The following B4GALT6 variants were observed in gnomAD, a reference collection of about 807,000 sequenced individuals.
B4GALT6 encodes the protein UDP-Gal:beta-GlcNAc beta-1,4-galactosyltransferase 6.
A neutral mutation model predicts 46.3 loss-of-function variants in B4GALT6; 14 were observed. That is an observed-to-expected ratio of 0.30 (90% CI 0.20 to 0.47). The LOEUF (loss-of-function observed/expected upper bound fraction) is 0.47. Among genes scored for constraint, B4GALT6 ranks in the 20% least tolerant of loss-of-function variants. B4GALT6 has a pLI of 0.99. For synonymous variants in B4GALT6, 168 were observed against 162.0 expected (o/e 1.04, Z -0.28); for missense variants, 386 against 480.1 (o/e 0.80, Z 1.83).
At chr18:31,635,224 C>T (rs2073842957) in intron 5 of B4GALT6, among the ~76,000 whole-genome samples, 1 of 150,658 alleles carries the variant, frequency 6.6e-6, no homozygotes. Context: ...AGCGAGACTC[C>T]ATCACAAAAC....
intron 3 of B4GALT6, among the ~76,000 whole-genome samples, chr18:31,655,511 G>A (rs754084905): frequency 4.6e-5 from 7 of 152,184 alleles, no homozygotes; most frequent in Non-Finnish European, 8.8e-5. Flanking sequence ...CACGCACGAC[G>A]CAATCTCTCA....
chr18:31,665,420 C>T (rs1317107486), intron 2 of B4GALT6, among the ~76,000 whole-genome samples: 1 of 152,176 alleles, frequency 6.6e-6, no homozygotes, highest in Admixed American at 6.5e-5. Context: ...TCTAATGGAG[C>T]TTCTACTTCC....
At chr18:31,683,297 G>C (rs1014733516) in intron 1 of B4GALT6, among the ~76,000 whole-genome samples, 1 of 152,154 alleles carries the variant, frequency 6.6e-6, no homozygotes, top group Non-Finnish European at 1.5e-5. Context: ...TCTGTAAGGG[G>C]CATTACATTT....
the B4GALT6 span, among the ~76,000 whole-genome samples, chr18:31,711,246 T>C: frequency 2.6e-5 from 4 of 152,214 alleles, no homozygotes; most frequent in Non-Finnish European, 4.4e-5. Flanking sequence ...CAAATCATTC[T>C]TTTATTTTAA....
At chr18:31,670,932 T>C (rs1221892685) in intron 1 of B4GALT6, among the ~76,000 whole-genome samples, 1 of 151,892 alleles carries the variant, frequency 6.6e-6, no homozygotes, top group East Asian at 1.9e-4. Flanking sequence ...CCCCAGTGTG[T>C]GATGTTCCCC....
intron 8 of B4GALT6, 139 bp from the exon 9 acceptor site, chr18:31,625,900 G>A (rs2073690222): frequency 1.4e-6 from 1 of 701,660 alleles, no homozygotes; most frequent in Admixed American, 3.9e-5. Context: ...CATAATTTAA[G>A]AATCTCTAAA....
chr18:31,699,274 C>CTT, the B4GALT6 span, among the ~76,000 whole-genome samples: 39 of 136,328 alleles, frequency 2.9e-4, 1 homozygote, highest in South Asian at 9.9e-4. Context: ...TTCTTTCTTT[C>CTT]TTTTTTTTTT....
the B4GALT6 span, among the ~76,000 whole-genome samples, chr18:31,709,344 CA>C: frequency 6.6e-6 from 1 of 151,044 alleles, no homozygotes; most frequent in Non-Finnish European, 1.5e-5. Context: ...GGATTACAGG[CA>C]TGCACCACCA....
At chr18:31,687,848 ATGTACT>A (rs1333525406), upstream of B4GALT6, among the ~76,000 whole-genome samples, 3 of 152,174 alleles carry the variant, frequency 2.0e-5, no homozygotes, top group African/African-American at 4.8e-5. Flanking sequence ...AAAAAGAAAA[ATGTACT>A]TGTTAATGAG....
chr18:31,689,519 T>G (rs1274235385), upstream of B4GALT6, among the ~76,000 whole-genome samples: 1 of 151,814 alleles, frequency 6.6e-6, no homozygotes, highest in Non-Finnish European at 1.5e-5. Flanking sequence ...CCAAGGCGGG[T>G]GGATCACGAG....
chr18:31,678,954 G>A (rs897126687), intron 1 of B4GALT6, among the ~76,000 whole-genome samples: 2 of 152,198 alleles, frequency 1.3e-5, no homozygotes, highest in African/African-American at 4.8e-5. Context: ...CTTTCCACAG[G>A]ACGGGTTAGG....
At chr18:31,656,281 A>G (rs1299520017) in intron 3 of B4GALT6, among the ~76,000 whole-genome samples, 1 of 152,242 alleles carries the variant, frequency 6.6e-6, no homozygotes, top group Non-Finnish European at 1.5e-5. Context: ...TAAAAAACAC[A>G]GATACAAAAT....
At chr18:31,701,365 G>C in the B4GALT6 span, among the ~76,000 whole-genome samples, 24 of 152,144 alleles carry the variant, frequency 1.6e-4, no homozygotes, top group African/African-American at 5.6e-4. Context: ...TAAATCTCCT[G>C]AGGCCTCCCT....
intron 5 of B4GALT6, 38 bp downstream of exon 5, chr18:31,638,606 C>T (rs781254444): frequency 2.1e-6 from 3 of 1,425,404 alleles, no homozygotes. Flanking sequence ...AGTTTAGATT[C>T]TAGTATACTT....
At chr18:31,646,277 G>A (rs763768863) in intron 3 of B4GALT6, among the ~76,000 whole-genome samples, 2 of 152,166 alleles carry the variant, frequency 1.3e-5, no homozygotes, top group African/African-American at 4.8e-5. Flanking sequence ...TGACATTACT[G>A]GAGGTGTTCT....
At chr18:31,639,500 G>A (rs1302038723) in intron 4 of B4GALT6, among the ~76,000 whole-genome samples, 2 of 152,110 alleles carry the variant, frequency 1.3e-5, no homozygotes, top group East Asian at 3.8e-4. Flanking sequence ...AAATACACAT[G>A]AAGTTTGATA....
chr18:31,650,619 G>C (rs1382384897), intron 3 of B4GALT6, among the ~76,000 whole-genome samples: 1 of 152,192 alleles, frequency 6.6e-6, no homozygotes, highest in Non-Finnish European at 1.5e-5. Context: ...TAATTCTCTA[G>C]CCACCCAGGT....
chr18:31,655,382 G>A (rs2074125149), intron 3 of B4GALT6, among the ~76,000 whole-genome samples: 1 of 152,202 alleles, frequency 6.6e-6, no homozygotes, highest in Admixed American at 6.5e-5. Flanking sequence ...AAAGATGGCT[G>A]GCCACACTAG....
chr18:31,708,580 AAAAATT>A, the B4GALT6 span, among the ~76,000 whole-genome samples: 2 of 149,948 alleles, frequency 1.3e-5, no homozygotes, highest in African/African-American at 4.9e-5. Context: ...AAATAAAAAT[AAAAATT>A]AAAATTAAAA....
Sources: allele counts gnomAD v4.1 joint callset (sites outside exome capture counted in the v4.1 genomes callset), GRCh38; gene constraint gnomAD v4.1.1; transcripts MANE v1.5; gene names NCBI Gene and HGNC (gene_info 2026-07-23, HGNC 2026-07-21).